The following SLC5A3 variants were observed in gnomAD, a reference collection of about 807,000 sequenced individuals.
SLC5A3 encodes sodium/myo-inositol cotransporter.
Under a neutral mutation model 43.2 loss-of-function variants are expected in SLC5A3, and 10 were observed. The ratio of observed to expected loss-of-function variants is 0.23; its 90% CI spans 0.14 to 0.39. The LOEUF is 0.39. Among genes scored for constraint, SLC5A3 ranks in the 10% least tolerant of loss-of-function variants. The pLI is 1.00. For synonymous variants in SLC5A3, 349 were observed against 322.0 expected (o/e 1.08, Z -0.90); for missense variants, 608 against 893.4 (o/e 0.68, Z 4.07).
At chr21:34,077,228 A>G (rs1989353518) in intron 1 of SLC5A3, among the ~76,000 whole-genome samples, 1 of 152,236 alleles carries the variant, frequency 6.6e-6, no homozygotes, top group Non-Finnish European at 1.5e-5. Context: ...CAATACATGA[A>G]TGGTAAAGCC....
At chr21:34,084,874 G>C (rs1199793022) in intron 1 of SLC5A3, among the ~76,000 whole-genome samples, 1 of 151,974 alleles carries the variant, frequency 6.6e-6, no homozygotes, top group East Asian at 1.9e-4. Flanking sequence ...TTTAACACTT[G>C]TATGATTTTT....
chr21:34,096,798 C>T lies in SLC5A3; in HGVS notation c.1600C>T (p.Pro534Ser), dbSNP rs778217292. The T allele has an allele frequency of 1.2e-6, 2 of 1,614,012 alleles. No homozygotes were observed. The highest frequency in any genetic ancestry group is 1.7e-6 in the Non-Finnish European group (2 of 1,179,956). ...TACTGTAATTGTGAGCCTTCTCACA[C>T]CACCTCCCACAAAGGAACAGATTCG... ...LITVIVSLLTPPPTKEQIRTT... is the reference protein window; with the variant it reads ...LITVIVSLLTSPPTKEQIRTT... The change falls in exon 2 of 2, where the codon CCA (proline) becomes TCA (serine). Residue 534 changes from proline (P) to serine (S), a missense_variant. By Grantham distance (74) the Pro-to-Ser change is moderately conservative. Around this residue, in one of 2 missense-constraint regions of SLC5A3, gnomAD observed 210 missense variants for 224.8 expected, o/e 0.93. Transcript: ENST00000381151. The surrounding 1 kb of genome is among the most constrained non-coding windows in gnomAD (Gnocchi z 5.9).
Position 34,073,677 on chromosome 21 carries a change from G to A in SLC5A3, c.-405G>A, listed in dbSNP as rs1039111917. ...GTCCCGGGAACCGGCTGGCTTCCGA[G>A]CCGCACTCGCCGATCCTCCAGGCAT... On this transcript the variant is annotated 5_prime_UTR_variant, in exon 1 of 2. Coordinates refer to ENST00000381151, the MANE Select transcript of SLC5A3 (RefSeq NM_006933.7). 1 of 1,515,122 alleles carries A rather than the reference G, an allele frequency of 6.6e-7. No individual in the cohort carries two copies. Among genetic ancestry groups the A allele is most frequent in the Non-Finnish European group, 8.9e-7 (1 of 1,123,864 alleles). The allele number at this position is 1,515,122 out of a possible 1,614,324, so 93.9% of individuals were successfully genotyped here. A position where few individuals can be genotyped will look rare whatever the true frequency, so the allele number is the denominator to read the frequency against.
At chr21:34,091,287 T>C (rs1191000638) in intron 1 of SLC5A3, among the ~76,000 whole-genome samples, 10 of 152,204 alleles carry the variant, frequency 6.6e-5, no homozygotes, top group East Asian at 1.9e-4. Flanking sequence ...ATTGAACTTA[T>C]GACTTGAAGC....
intron 1 of SLC5A3, among the ~76,000 whole-genome samples, chr21:34,085,314 T>C (rs1461335806): frequency 6.6e-6 from 1 of 152,172 alleles, no homozygotes; most frequent in African/African-American, 2.4e-5. Flanking sequence ...GGAATGAGTA[T>C]TTCATAGGGA....
At chr21:34,075,584 G>C (rs1484454494) in intron 1 of SLC5A3, among the ~76,000 whole-genome samples, 1 of 152,194 alleles carries the variant, frequency 6.6e-6, no homozygotes, top group African/African-American at 2.4e-5. Context: ...GATAATAAAG[G>C]TGAACTGCCT....
chr21:34,087,480 A>G (rs1270254466), intron 1 of SLC5A3, among the ~76,000 whole-genome samples: 1 of 152,222 alleles, frequency 6.6e-6, no homozygotes, highest in East Asian at 1.9e-4. Context: ...TTCTACCCTC[A>G]TGGAGTTTAC....
chr21:34,105,398 T>G lies in SLC5A3; in HGVS notation c.*8043T>G. 1 of 999,364 alleles carries G rather than the reference T, an allele frequency of 1.0e-6. No homozygotes were observed. The highest frequency in any genetic ancestry group is 1.2e-6 in the Non-Finnish European group (1 of 829,300). The allele number at this position is 999,364 out of a possible 1,614,324, so 61.9% of individuals were successfully genotyped here. ...AGAAGAAAACCAATTCTTTTTCTAA[T>G]AATATCCTGTGAAATTGCTTCATTC... On this transcript the variant is annotated 3_prime_UTR_variant, in exon 2 of 2. Coordinates refer to ENST00000381151, the MANE Select transcript of SLC5A3 (RefSeq NM_006933.7).
chr21:34,105,877 A>G lies in SLC5A3; in HGVS notation c.*8522A>G, dbSNP rs1169253621. 3 of 990,128 alleles carry G rather than the reference A, an allele frequency of 3.0e-6. No individual in the cohort carries two copies. Among genetic ancestry groups the G allele is most frequent in the African/African-American group, 3.5e-5 (2 of 57,072 alleles). The allele number at this position is 990,128 out of a possible 1,614,324, so 61.3% of individuals were successfully genotyped here. A position where few individuals can be genotyped will look rare whatever the true frequency, so the allele number is the denominator to read the frequency against. ...GGAGTACAGTTGAAATTGTAGATTT[A>G]AGATTGTTAAAATCATGACAATTCT... On this transcript the variant is annotated 3_prime_UTR_variant, in exon 2 of 2. Transcript: ENST00000381151.
At position 34,095,741 on chromosome 21, in the gene SLC5A3, G is replaced by A. The variant is rs201799945; in HGVS notation, c.543G>A (p.Val181=). The change falls in exon 2 of 2, where the codon GTG becomes GTA. Residue 181 remains valine (V), a synonymous_variant. Transcript: ENST00000381151. The part of the protein sequence containing the change: ...LLTVTGGLVA[V]IYTDTLQALL... Reference sequence around the variant, plus strand: ...CTGTCACCGGAGGCCTTGTTGCAGTGATCTACACAGACACTCTGCAGGCTC... The same window carrying A: ...CTGTCACCGGAGGCCTTGTTGCAGTAATCTACACAGACACTCTGCAGGCTC... The A allele has an allele frequency of 1.2e-6, 2 of 1,614,024 alleles. No homozygotes were observed. Among genetic ancestry groups the A allele is most frequent in the East Asian group, 4.5e-5 (2 of 44,874 alleles).
In SLC5A3 at chr21:34,105,737, T is replaced by A. The variant is rs1979448046; in HGVS notation, c.*8382T>A. Reference sequence around the variant, plus strand: ...TGGATTTCCAGTTTACCTTCTGTTGTCTACAGCTTTTTTAATTTTAAGGTT... The same window carrying A: ...TGGATTTCCAGTTTACCTTCTGTTGACTACAGCTTTTTTAATTTTAAGGTT... On this transcript the variant is annotated 3_prime_UTR_variant, in exon 2 of 2. Transcript: ENST00000381151. 3 of 998,184 alleles carry A rather than the reference T, an allele frequency of 3.0e-6. No individual in the cohort carries two copies. Among genetic ancestry groups the A allele is most frequent in the Non-Finnish European group, 3.6e-6 (3 of 828,256 alleles). The allele number at this position is 998,184 out of a possible 1,614,324, so 61.8% of individuals were successfully genotyped here.
rs927212757 is a variant in SLC5A3, at chr21:34,098,889, C to G, written c.*1534C>G. On this transcript the variant is annotated 3_prime_UTR_variant, in exon 2 of 2. Coordinates refer to ENST00000381151, the MANE Select transcript of SLC5A3 (RefSeq NM_006933.7). The stretch of plus-strand genomic sequence containing the variant: ...AAATTATGTATGTACTTTCTTTGAC[C>G]TTCTTTAATCTCTGATACTTTTTAG... 79 of 998,318 alleles carry G rather than the reference C, an allele frequency of 7.9e-5. No individual in the cohort carries two copies. In the African/African-American group the frequency reaches 1.4e-3, roughly 17 times the overall value. 61.8% of individuals were successfully genotyped at this position (998,318 alleles called of 1,614,324 possible). A position where few individuals can be genotyped will look rare whatever the true frequency, so the allele number is the denominator to read the frequency against.
chr21:34,083,214 C>A (rs541502118), intron 1 of SLC5A3, among the ~76,000 whole-genome samples: 9 of 152,242 alleles, frequency 5.9e-5, no homozygotes, highest in Admixed American at 5.9e-4. Context: ...TGAGAAAATT[C>A]TCATTGTGGT....
Position 34,094,982 on chromosome 21 carries a change from C to T in SLC5A3, c.-217C>T. ...AAGAGTACGAGCTAAGTTCTCAATC[C>T]CAATTAAGAAGCGGAAAATTTAAAC... is the stretch of plus-strand genomic sequence containing the variant. On this transcript the variant is annotated 5_prime_UTR_variant, in exon 2 of 2. Transcript: ENST00000381151. 1.8e-6 allele frequency: 1 copy of T among 542,948 alleles called. No individual in the cohort carries two copies. The highest frequency in any genetic ancestry group is 3.0e-5 in the South Asian group (1 of 33,254). The allele number at this position is 542,948 out of a possible 1,614,324, so 33.6% of individuals were successfully genotyped here.
chr21:34,087,714 T>A (rs1385492826), intron 1 of SLC5A3, among the ~76,000 whole-genome samples: 1 of 152,170 alleles, frequency 6.6e-6, no homozygotes, highest in Non-Finnish European at 1.5e-5. Context: ...GTTTGGTCCA[T>A]TGTGATGAAA....
At chr21:34,091,704 T>C (rs1022757276) in intron 1 of SLC5A3, among the ~76,000 whole-genome samples, 1 of 152,210 alleles carries the variant, frequency 6.6e-6, no homozygotes, top group Non-Finnish European at 1.5e-5. Context: ...AATAAAATAC[T>C]ACTTTCTGAG....
chr21:34,090,660 A>C (rs1978639004), intron 1 of SLC5A3, among the ~76,000 whole-genome samples: 1 of 152,206 alleles, frequency 6.6e-6, no homozygotes, highest in Admixed American at 6.5e-5. Context: ...GTAAACTGAC[A>C]TTTACTGAGC....
chr21:34,098,604 G>A lies in SLC5A3; in HGVS notation c.*1249G>A. Reference sequence around the variant, plus strand: ...GTGCATACTTTGCTGTTGTTAGGTTGTCAATATAGTCTTTCTGTAGGATGG... The same window carrying A: ...GTGCATACTTTGCTGTTGTTAGGTTATCAATATAGTCTTTCTGTAGGATGG... On this transcript the variant is annotated 3_prime_UTR_variant, in exon 2 of 2. Transcript: ENST00000381151. 4.0e-6 allele frequency: 4 copies of A among 1,000,300 alleles called. No homozygotes were observed. The highest frequency in any genetic ancestry group is 4.8e-6 in the Non-Finnish European group (4 of 830,008). The allele number at this position is 1,000,300 out of a possible 1,614,324, so 62.0% of individuals were successfully genotyped here.
rs1979371993 is a variant in SLC5A3 at position 34,104,172 on chromosome 21, T to A, written c.*6817T>A. 1.0e-6 allele frequency: 1 copy of A among 999,986 alleles called. No homozygotes were observed. Among genetic ancestry groups the A allele is most frequent in the African/African-American group, 1.7e-5 (1 of 57,218 alleles). The allele number at this position is 999,986 out of a possible 1,614,324, so 61.9% of individuals were successfully genotyped here. ...TGCTTCATTTTAATAAAGGATAATT[T>A]GATCTGAGTGTTCTGAGCATCAGAC... On this transcript the variant is annotated 3_prime_UTR_variant, in exon 2 of 2. Coordinates refer to ENST00000381151, the MANE Select transcript of SLC5A3 (RefSeq NM_006933.7).
Sources: gnomAD v4.1 joint callset for allele counts (sites outside exome capture counted in the v4.1 genomes callset) on GRCh38, gnomAD v4.1.1 for gene constraint, gnomAD v4.1.1 regional missense constraint, Gnocchi (gnomAD v3.1) non-coding constraint, MANE v1.5 for transcripts, NCBI Gene and HGNC (gene_info 2026-07-23, HGNC 2026-07-21) for gene names.